The following TAOK1 variants were observed in gnomAD, a reference collection of about 807,000 sequenced individuals.
The protein encoded by TAOK1 is serine/threonine-protein kinase TAO1.
TAOK1 carries 21 observed loss-of-function variants against 138.3 expected under a neutral mutation model. That is an observed-to-expected ratio of 0.15 (90% confidence interval 0.11 to 0.22). The LOEUF (loss-of-function observed/expected upper bound fraction) is 0.22. Among genes scored for constraint, TAOK1 ranks in the 10% least tolerant of loss-of-function variants. TAOK1 has a pLI of 1.00. For missense variants in TAOK1, 651 were observed against 1,227.7 expected, an observed-to-expected ratio of 0.53 and a Z score of 7.02; for synonymous variants, 361 against 398.4, an observed-to-expected ratio of 0.91 and a Z score of 1.12.
chr17:29,439,881 A>G (rs1263936350), intron 1 of TAOK1, among the ~76,000 whole-genome samples: 2 of 130,912 alleles, frequency 1.5e-5, no homozygotes, highest in East Asian at 4.5e-4. Flanking sequence ...AAAAAAAAAA[A>G]AAAAAAATTT....
intron 10 of TAOK1, among the ~76,000 whole-genome samples, 180 bp downstream of exon 10, chr17:29,492,045 C>T (rs929407745): frequency 1.3e-5 from 2 of 152,026 alleles, no homozygotes; most frequent in African/African-American, 2.4e-5. Context: ...CCACTGAACC[C>T]GGCTAATTTT....
intron 1 of TAOK1, among the ~76,000 whole-genome samples, chr17:29,416,428 G>GA (rs1905266344): frequency 6.6e-6 from 1 of 151,730 alleles, no homozygotes. Context: ...GATTTAATGG[G>GA]AAAAAAAGCT....
chr17:29,426,577 G>A (rs1905649514), intron 1 of TAOK1, among the ~76,000 whole-genome samples: 1 of 152,194 alleles, frequency 6.6e-6, no homozygotes, highest in Admixed American at 6.5e-5. Flanking sequence ...ATCTGTCAAA[G>A]GGGCGAGTGA....
At chr17:29,401,186 A>G (rs1468543581) in intron 1 of TAOK1, among the ~76,000 whole-genome samples, 2 of 152,140 alleles carry the variant, frequency 1.3e-5, no homozygotes. Context: ...AAGTGCTGGT[A>G]TTACAGGTGT....
rs1012112583 is a variant in TAOK1 at position 29,550,938 on chromosome 17, G to A, written c.*7916G>A. On this transcript the variant is annotated 3_prime_UTR_variant, in exon 20 of 20. Coordinates refer to ENST00000261716, the MANE Select transcript of TAOK1 (RefSeq NM_020791.4). ...ATTATTTGTGCAAATGCCAGGGTTGGTTTTTATTTTTATTTTTGCTATTTA... is the reference window on the plus strand; with the variant it reads ...ATTATTTGTGCAAATGCCAGGGTTGATTTTTATTTTTATTTTTGCTATTTA... The A allele has an allele frequency of 2.0e-5, 3 of 151,758 alleles. No homozygotes were observed. Among genetic ancestry groups the A allele is most frequent in the African/African-American group, 7.3e-5 (3 of 41,090 alleles). 9.4% of individuals were successfully genotyped at this position (151,758 alleles called of 1,614,324 possible).
chr17:29,409,835 G>A (rs1244743762), intron 1 of TAOK1, among the ~76,000 whole-genome samples: 1 of 152,142 alleles, frequency 6.6e-6, no homozygotes, highest in African/African-American at 2.4e-5. Flanking sequence ...GGGTGTATGT[G>A]TGTGTGTAGC....
Position 29,525,741 on chromosome 17 carries a change from C to T in TAOK1, c.2148+3222C>T, listed in dbSNP as rs547926803. On this transcript the variant is annotated intron_variant, in intron 17 of 19. Coordinates refer to ENST00000261716, the MANE Select transcript of TAOK1 (RefSeq NM_020791.4). Reference sequence around the variant, plus strand: ...AAAACTTTTCGCTGGGGCAGTCACTCACACCTGTAATCCCAGCACTTTGGA... The same window carrying T: ...AAAACTTTTCGCTGGGGCAGTCACTTACACCTGTAATCCCAGCACTTTGGA... 9.8e-5 allele frequency among the ~76,000 whole-genome samples: 15 copies of T among 152,368 alleles called. No individual in the cohort carries two copies. The East Asian group carries it at 2.9e-3, about 29-fold the overall frequency.
At position 29,395,824 on chromosome 17, in the gene TAOK1, A is replaced by ATTTTTTTTTTTT. The variant is rs1187461666; in HGVS notation, c.-95+4813_-95+4824dup. Among the ~76,000 whole-genome samples the ATTTTTTTTTTTT allele has an allele frequency of 9.0e-4, 65 of 72,096 alleles. 6 individuals carry two copies. Among genetic ancestry groups the ATTTTTTTTTTTT allele is most frequent in the African/African-American group, 3.9e-3 (60 of 15,562 alleles). The allele number at this position is 72,096 out of a possible 152,430, so 47.3% of individuals were successfully genotyped here. On this transcript the variant is annotated intron_variant, in intron 1 of 19. Coordinates refer to ENST00000261716, the MANE Select transcript of TAOK1 (RefSeq NM_020791.4). ...AGGTACATGCCACCACGTCTGGCTA[A>ATTTTTTTTTTTT]TTTTTTTTTTTTTTTTTTTTTTTTG...
At chr17:29,525,225 G>A (rs534093614) in intron 17 of TAOK1, among the ~76,000 whole-genome samples, 3 of 152,134 alleles carry the variant, frequency 2.0e-5, no homozygotes, top group South Asian at 2.1e-4. Context: ...CAATGCTCCC[G>A]CCTCAGCCTC....
intron 1 of TAOK1, among the ~76,000 whole-genome samples, chr17:29,440,393 T>C (rs762193224): frequency 3.9e-5 from 6 of 152,262 alleles, no homozygotes; most frequent in Middle Eastern, 3.4e-3. Context: ...CTCTGTGTTG[T>C]AGTCTGCTCC....
chr17:29,512,686 T>G (rs2031744279), intron 15 of TAOK1: 1 of 57,760 alleles, frequency 1.7e-5, no homozygotes, highest in South Asian at 5.1e-4. Flanking sequence ...GCTGACAACT[T>G]TTTTTTTTTT....
chr17:29,399,346 C>T (rs1055541573), intron 1 of TAOK1, among the ~76,000 whole-genome samples: 67 of 151,384 alleles, frequency 4.4e-4, no homozygotes, highest in African/African-American at 1.6e-3. Context: ...GACGGAGTCT[C>T]GCTCTGTTGC....
intron 19 of TAOK1, among the ~76,000 whole-genome samples, chr17:29,535,332 A>C (rs1342865177): frequency 6.6e-6 from 1 of 151,850 alleles, no homozygotes; most frequent in Non-Finnish European, 1.5e-5. Context: ...TAAATAAATA[A>C]AACAGTGGTC....
chr17:29,534,496 AG>A (rs2032188800), intron 19 of TAOK1, among the ~76,000 whole-genome samples, 196 bp downstream of exon 19: 1 of 152,236 alleles, frequency 6.6e-6, no homozygotes, highest in African/African-American at 2.4e-5. Flanking sequence ...AATGAGCTCC[AG>A]AAATCAAGGG....
rs573377 is a variant in TAOK1 at position 29,467,463 on chromosome 17, T to G, written c.204+247T>G. Among the ~76,000 whole-genome samples, 25 of 151,910 alleles carry G rather than the reference T, an allele frequency of 1.6e-4. No individual in the cohort carries two copies. In the East Asian group the frequency reaches 1.7e-3, roughly 11 times the overall value. On this transcript the variant is annotated intron_variant, in intron 3 of 19. Transcript: ENST00000261716. ...TAATTTTTTGTATTTTTAGTAGAGA[T>G]GGGTTTCACCGTGTTAGCCAGGATG... is the stretch of plus-strand genomic sequence containing the variant.
Position 29,452,043 on chromosome 17 carries a change from C to T in TAOK1, c.132+363C>T, listed in dbSNP as rs145292048. ...CCACCCTGGGCAACATGGTGAAACC[C>T]TGCCTCTACAAAAAATACAAAACTT... On this transcript the variant is annotated intron_variant, in intron 2 of 19. Transcript: ENST00000261716. 4.1e-3 allele frequency among the ~76,000 whole-genome samples: 624 copies of T among 152,062 alleles called. 5 individuals carry two copies. The highest frequency in any genetic ancestry group is 0.039 in the South Asian group (186 of 4,814).
intron 10 of TAOK1, among the ~76,000 whole-genome samples, chr17:29,492,912 G>A (rs1224920092): frequency 1.3e-5 from 2 of 152,154 alleles, no homozygotes; most frequent in African/African-American, 2.4e-5. Flanking sequence ...AGGCCGAGGC[G>A]GGCGGATCAC....
chr17:29,532,426 G>A lies in TAOK1; in HGVS notation c.2362-1692G>A, dbSNP rs1359589090. Among the ~76,000 whole-genome samples, 10 of 150,820 alleles carry A rather than the reference G, an allele frequency of 6.6e-5. No individual in the cohort carries two copies. The South Asian group carries it at 1.5e-3, about 22-fold the overall frequency. ...TTTGGCAGGGTCATAGGACAATAGTGGAGGGAAGGTCAGCAGATAAACAAG... is the reference window on the plus strand; with the variant it reads ...TTTGGCAGGGTCATAGGACAATAGTAGAGGGAAGGTCAGCAGATAAACAAG... On this transcript the variant is annotated intron_variant, in intron 18 of 19. Coordinates refer to ENST00000261716, the MANE Select transcript of TAOK1 (RefSeq NM_020791.4).
intron 1 of TAOK1, among the ~76,000 whole-genome samples, chr17:29,410,758 C>T (rs7210867): frequency 0.38 from 57,447 of 150,438 alleles, 11,759 homozygotes; most frequent in East Asian, 0.88. Context: ...GCCTCAGCTT[C>T]CCAAGTAGCT....
Sources: gnomAD v4.1 joint callset for allele counts (sites outside exome capture counted in the v4.1 genomes callset) on GRCh38, gnomAD v4.1.1 for gene constraint, MANE v1.5 for transcripts, NCBI Gene and HGNC (gene_info 2026-07-23, HGNC 2026-07-21) for gene names.